CDH13: variants seen among roughly 807,000 people sequenced by gnomAD.
CDH13 encodes the protein cadherin 13.
In CDH13, 24 loss-of-function variants were observed where a neutral mutation model predicts 63.8. The ratio of observed to expected loss-of-function variants is 0.38; its 90% CI spans 0.27 to 0.53. The LOEUF (loss-of-function observed/expected upper bound fraction) is 0.53, where lower values mean the gene tolerates loss of function less well. Ranked by LOEUF, CDH13 falls within the 20% of genes least tolerant of loss-of-function variation. CDH13 has a pLI of 0.85. For missense variants in CDH13, 1,049 were observed against 903.1 expected (o/e 1.16, Z -2.07); for synonymous variants, 503 against 355.3 (o/e 1.42, Z -4.67).
chr16:83,791,152 C>A (rs1257390338), intron 13 of CDH13, among the ~76,000 whole-genome samples: 9 of 151,470 alleles, frequency 5.9e-5, no homozygotes, highest in African/African-American at 1.7e-4. Context: ...ACCCCCATCT[C>A]TGAAAAAAAG....
rs1747680020 is a variant in CDH13 at position 83,796,751 on chromosome 16, G to C, written c.*1721G>C. On this transcript the variant is annotated 3_prime_UTR_variant, in exon 14 of 14. Coordinates refer to ENST00000567109, the MANE Select transcript of CDH13 (RefSeq NM_001257.5). ...TGAGTCTATGAAGACAGAAGTACCA[G>C]TTCTCAGCATGGGCCATGGACTCAT... 6.6e-6 allele frequency: 1 copy of C among 152,176 alleles called. No homozygotes were observed. Among genetic ancestry groups the C allele is most frequent in the Admixed American group, 6.5e-5 (1 of 15,276 alleles). 9.4% of individuals were successfully genotyped at this position (152,176 alleles called of 1,614,324 possible).
chr16:83,084,887 T>G (rs2033482573), intron 3 of CDH13, among the ~76,000 whole-genome samples: 1 of 152,128 alleles, frequency 6.6e-6, no homozygotes, highest in South Asian at 2.1e-4. Context: ...AAACTTCATC[T>G]CAAAAAATAA....
At chr16:82,987,534 G>T (rs72792118) in intron 2 of CDH13, among the ~76,000 whole-genome samples, 1 of 151,934 alleles carries the variant, frequency 6.6e-6, no homozygotes, top group African/African-American at 2.4e-5. Context: ...CTAAAACCAC[G>T]CTCAGCTAAT....
chr16:83,057,276 C>T (rs910023140), intron 3 of CDH13, among the ~76,000 whole-genome samples: 1 of 152,120 alleles, frequency 6.6e-6, no homozygotes, highest in African/African-American at 2.4e-5. Flanking sequence ...TCAGGTATGT[C>T]TTTATTAGCA....
intron 11 of CDH13, among the ~76,000 whole-genome samples, chr16:83,750,010 C>T (rs976551325): frequency 6.6e-6 from 1 of 152,106 alleles, no homozygotes; most frequent in African/African-American, 2.4e-5. Flanking sequence ...AGAAATAGCT[C>T]ATGTTGGCTG....
chr16:83,374,737 C>G (rs2091431102), intron 6 of CDH13, among the ~76,000 whole-genome samples: 1 of 152,150 alleles, frequency 6.6e-6, no homozygotes, highest in Non-Finnish European at 1.5e-5. Flanking sequence ...TTTCCACACA[C>G]CTGAGAGTGT....
intron 2 of CDH13, among the ~76,000 whole-genome samples, chr16:83,010,612 G>A (rs1914052986): frequency 6.6e-6 from 1 of 151,832 alleles, no homozygotes; most frequent in Non-Finnish European, 1.5e-5. Context: ...CTTTGTAGTT[G>A]TCCAGAATAT....
chr16:83,078,913 G>C (rs1267759533), intron 3 of CDH13, among the ~76,000 whole-genome samples: 1 of 152,078 alleles, frequency 6.6e-6, no homozygotes, highest in Non-Finnish European at 1.5e-5. Flanking sequence ...TCCTGCCTCA[G>C]CCTCCCAAGT....
chr16:83,611,298 T>C (rs1256882355), intron 8 of CDH13, among the ~76,000 whole-genome samples: 1 of 152,144 alleles, frequency 6.6e-6, no homozygotes, highest in Non-Finnish European at 1.5e-5. Flanking sequence ...TGTTGGTTGA[T>C]GGTTAATGTC....
Position 83,133,973 on chromosome 16 carries a change from T to A in CDH13, c.483+8472T>A, listed in dbSNP as rs149537796. On this transcript the variant is annotated intron_variant, in intron 4 of 13. Transcript: ENST00000567109. The stretch of plus-strand genomic sequence containing the variant: ...CGACTCAAATATTCTCTGAATTGAA[T>A]TCTAGCCATATGTATGGCTGATTAA... Among the ~76,000 whole-genome samples the A allele has an allele frequency of 4.3e-3, 657 of 152,326 alleles. 4 individuals are homozygous for A. The highest frequency in any genetic ancestry group is 0.015 in the African/African-American group (623 of 41,566).
chr16:83,265,533 CTG>C (rs1907503875), intron 5 of CDH13, among the ~76,000 whole-genome samples: 1 of 152,020 alleles, frequency 6.6e-6, no homozygotes, highest in Admixed American at 6.6e-5. Flanking sequence ...TATGACCACT[CTG>C]TTGTTGTATT....
intron 4 of CDH13, among the ~76,000 whole-genome samples, chr16:83,177,319 G>A (rs1043699568): frequency 2.6e-5 from 4 of 152,126 alleles, no homozygotes; most frequent in Non-Finnish European, 5.9e-5. Flanking sequence ...GTTCTTCAAA[G>A]GTAGGGACTA....
intron 7 of CDH13, among the ~76,000 whole-genome samples, chr16:83,538,976 C>G (rs903409303): frequency 6.6e-6 from 1 of 152,166 alleles, no homozygotes; most frequent in East Asian, 1.9e-4. Flanking sequence ...AAACAGTGGT[C>G]TATTCTGAGG....
At chr16:83,772,420 A>T (rs1055546300) in intron 11 of CDH13, among the ~76,000 whole-genome samples, 2 of 152,240 alleles carry the variant, frequency 1.3e-5, no homozygotes, top group East Asian at 1.9e-4. Context: ...TGGACATCCC[A>T]GAAACACGAT....
At chr16:83,052,982 G>T (rs1025671528) in intron 3 of CDH13, among the ~76,000 whole-genome samples, 1 of 152,078 alleles carries the variant, frequency 6.6e-6, no homozygotes, top group Non-Finnish European at 1.5e-5. Flanking sequence ...AAGAGGCAAT[G>T]CAGTGAGACC....
intron 5 of CDH13, among the ~76,000 whole-genome samples, chr16:83,244,999 G>C (rs968298864): frequency 4.6e-5 from 7 of 151,966 alleles, no homozygotes; most frequent in African/African-American, 1.5e-4. Context: ...TCAGAGAATG[G>C]TAGGAACCTT....
intron 7 of CDH13, among the ~76,000 whole-genome samples, chr16:83,585,283 A>G (rs1338758711): frequency 6.6e-6 from 1 of 152,144 alleles, no homozygotes; most frequent in African/African-American, 2.4e-5. Context: ...TTGCCATCTC[A>G]GGATATGGCA....
chr16:83,065,868 A>G (rs2031969342), intron 3 of CDH13, among the ~76,000 whole-genome samples: 1 of 152,136 alleles, frequency 6.6e-6, no homozygotes, highest in Non-Finnish European at 1.5e-5. Context: ...TCCTCTTGCA[A>G]AGCCTCTACT....
chr16:83,372,015 G>T (rs527355141), intron 6 of CDH13, among the ~76,000 whole-genome samples: 2 of 152,358 alleles, frequency 1.3e-5, no homozygotes, highest in South Asian at 4.1e-4. Flanking sequence ...AGGTTATTCA[G>T]TTCCACGTAA....
Sources: gnomAD v4.1 joint callset for allele counts (sites outside exome capture counted in the v4.1 genomes callset) on GRCh38, gnomAD v4.1.1 for gene constraint, MANE v1.5 for transcripts, NCBI Gene and HGNC (gene_info 2026-07-23, HGNC 2026-07-21) for gene names.